The following NDUFAF6 variants were observed in gnomAD, a reference collection of about 807,000 sequenced individuals.
The protein encoded by NDUFAF6 is NADH:ubiquinone oxidoreductase complex assembly factor 6, also known as NADH dehydrogenase (ubiquinone) complex I, assembly factor 6.
In NDUFAF6, 45 loss-of-function variants were observed where a neutral mutation model predicts 40.8. That is an observed-to-expected ratio of 1.10 (90% CI 0.87 to 1.42). The LOEUF is 1.42. NDUFAF6 is among the 40% of genes most tolerant of loss of function. The probability of loss-of-function intolerance (pLI) is 0.00; values close to 1 mark genes in which losing one functional copy is unlikely to be tolerated. For synonymous variants in NDUFAF6, 185 were observed against 155.9 expected, an observed-to-expected ratio of 1.19 and a Z score of -1.39; for missense variants, 435 against 418.5, an observed-to-expected ratio of 1.04 and a Z score of -0.34.
chr8:94,931,401 C>G (rs1452755138), intron 1 of NDUFAF6, among the ~76,000 whole-genome samples: 1 of 152,130 alleles, frequency 6.6e-6, no homozygotes, highest in Non-Finnish European at 1.5e-5. Flanking sequence ...TTGAATAACA[C>G]AATCTTAAAA....
intron 1 of NDUFAF6, among the ~76,000 whole-genome samples, chr8:94,903,820 A>C (rs1341459795): frequency 6.6e-6 from 1 of 151,394 alleles, no homozygotes; most frequent in Non-Finnish European, 1.5e-5. Context: ...CTATTTACTC[A>C]CTCCTCCCCA....
intron 1 of NDUFAF6, among the ~76,000 whole-genome samples, chr8:94,969,865 A>G (rs546785169): frequency 6.6e-6 from 1 of 152,336 alleles, no homozygotes; most frequent in East Asian, 1.9e-4. Context: ...AGAAATCGAC[A>G]AAGGACATGA....
intron 2 of NDUFAF6, among the ~76,000 whole-genome samples, chr8:95,091,141 G>T (rs1224853841): frequency 6.6e-6 from 1 of 151,906 alleles, no homozygotes; most frequent in Non-Finnish European, 1.5e-5. Flanking sequence ...CCAAACACCT[G>T]CTGTATTAGT....
chr8:94,898,256 G>A (rs1319229129), intron 1 of NDUFAF6, among the ~76,000 whole-genome samples: 4 of 152,122 alleles, frequency 2.6e-5, no homozygotes, highest in African/African-American at 9.7e-5. Context: ...TATGTCTTTA[G>A]TTTTTACCTA....
intron 1 of NDUFAF6, among the ~76,000 whole-genome samples, chr8:94,918,179 A>C (rs1819264363): frequency 6.6e-6 from 1 of 152,202 alleles, no homozygotes; most frequent in African/African-American, 2.4e-5. Flanking sequence ...CTTCCTGATC[A>C]GTGCCATGGA....
intron 8 of NDUFAF6, 92 bp from the exon 9 acceptor site, chr8:95,057,717 C>G: frequency 9.8e-7 from 1 of 1,021,638 alleles, no homozygotes; most frequent in Non-Finnish European, 1.5e-6. Flanking sequence ...CTAAAATAGC[C>G]TAAATACTTG....
intron 2 of NDUFAF6, among the ~76,000 whole-genome samples, chr8:94,993,011 C>A (rs1292928468): frequency 3.3e-5 from 5 of 152,112 alleles, no homozygotes; most frequent in African/African-American, 1.2e-4. Context: ...CCACAAATTG[C>A]ATTACTTAAA....
chr8:94,998,800 A>G (rs534024759), intron 2 of NDUFAF6, among the ~76,000 whole-genome samples: 1 of 152,294 alleles, frequency 6.6e-6, no homozygotes, highest in Admixed American at 6.5e-5. Flanking sequence ...AAGGACTTGC[A>G]GGTAGAAAAG....
At chr8:95,076,850 G>C (rs986894403), downstream of NDUFAF6, among the ~76,000 whole-genome samples, 4 of 134,098 alleles carry the variant, frequency 3.0e-5, no homozygotes, top group African/African-American at 1.2e-4. Flanking sequence ...TCCAGCCTGG[G>C]CAACAAGAGC....
upstream of NDUFAF6, chr8:95,024,985 C>A: frequency 7.7e-7 from 1 of 1,305,842 alleles, no homozygotes; most frequent in South Asian, 2.4e-5. Context: ...GGCGGGGGGT[C>A]GAAGGGCACG....
intron 4 of NDUFAF6, 151 bp from the exon 5 acceptor site, chr8:95,045,394 C>T (rs553484246): frequency 1.3e-5 from 8 of 630,450 alleles, no homozygotes; most frequent in South Asian, 1.1e-4. Context: ...TGTAGAACTT[C>T]AATATTGTAA....
chr8:95,016,538 A>T (rs1441997524), intron 2 of NDUFAF6, among the ~76,000 whole-genome samples: 1 of 152,118 alleles, frequency 6.6e-6, no homozygotes, highest in African/African-American at 2.4e-5. Flanking sequence ...AGGTCAAGAG[A>T]TCGAGACCAT....
upstream of NDUFAF6, among the ~76,000 whole-genome samples, chr8:95,020,645 T>G (rs1174516279): frequency 6.6e-6 from 1 of 152,238 alleles, no homozygotes; most frequent in Non-Finnish European, 1.5e-5. Flanking sequence ...TGGTGTCTTA[T>G]TTCCGGTGCC....
intron 1 of NDUFAF6, chr8:94,975,287 T>C (rs1441735569): frequency 6.6e-6 from 1 of 152,266 alleles, no homozygotes; most frequent in Non-Finnish European, 1.5e-5. Context: ...ATTGCTATTT[T>C]AATCAGATTT....
At chr8:95,025,315 C>T (rs1182550556) in intron 1 of NDUFAF6, 110 bp downstream of exon 1, 2 of 1,134,704 alleles carry the variant, frequency 1.8e-6, no homozygotes, top group South Asian at 2.3e-5. Flanking sequence ...GCGCCTTCCT[C>T]GTGCCCCTCT....
chr8:94,977,972 G>T (rs1449375356), intron 1 of NDUFAF6, among the ~76,000 whole-genome samples: 2 of 152,128 alleles, frequency 1.3e-5, no homozygotes, highest in South Asian at 4.1e-4. Flanking sequence ...AATGACAGGG[G>T]TGCTAGGTAC....
chr8:94,960,459 G>A (rs1192271209), intron 1 of NDUFAF6, among the ~76,000 whole-genome samples: 3 of 152,154 alleles, frequency 2.0e-5, no homozygotes, highest in South Asian at 4.1e-4. Context: ...GGTGGAAACT[G>A]CTCCATGTCT....
chr8:95,055,479 T>C (rs1454018384), intron 8 of NDUFAF6, among the ~76,000 whole-genome samples: 2 of 152,194 alleles, frequency 1.3e-5, no homozygotes, highest in Non-Finnish European at 2.9e-5. Context: ...AATATAACAC[T>C]TAATAGCTAT....
chr8:95,071,076 A>G (rs887919438), intron 9 of NDUFAF6, among the ~76,000 whole-genome samples: 1 of 152,120 alleles, frequency 6.6e-6, no homozygotes, highest in African/African-American at 2.4e-5. Flanking sequence ...ATGTGTTCAT[A>G]CCATATGATT....
Sources: allele counts gnomAD v4.1 joint callset (sites outside exome capture counted in the v4.1 genomes callset), GRCh38; gene constraint gnomAD v4.1.1; transcripts MANE v1.5; gene names NCBI Gene and HGNC (gene_info 2026-07-23, HGNC 2026-07-21).